Variants in SF1 observed in about 807,000 individuals in gnomAD.
The protein encoded by SF1 is branch point-binding protein.
Under a neutral mutation model 62.5 loss-of-function variants are expected in SF1, and 7 were observed. That is an observed-to-expected ratio of 0.11 (90% confidence interval 0.06 to 0.21). The LOEUF is 0.21. SF1 is among the 10% of genes least tolerant of loss of function. The pLI is 1.00. For synonymous variants in SF1, 394 were observed against 323.6 expected, an observed-to-expected ratio of 1.22 and a Z score of -2.33; for missense variants, 578 against 884.0, an observed-to-expected ratio of 0.65 and a Z score of 4.39.
chr11:64,765,634 A>G lies in SF1; in HGVS notation c.*184T>C. The G allele has an allele frequency of 6.7e-7, 1 of 1,493,010 alleles. No homozygotes were observed. Among genetic ancestry groups the G allele is most frequent in the South Asian group, 1.4e-5 (1 of 72,164 alleles). 92.5% of individuals were successfully genotyped at this position (1,493,010 alleles called of 1,614,324 possible). On this transcript the variant is annotated 3_prime_UTR_variant, in exon 13 of 13. Transcript: ENST00000377390. ...AGCCCAAGCTGGCGCCCCTACTACC[A>G]CCTGCCCGTTCCCAAGCGAATCCTC...
intron 1 of SF1, among the ~76,000 whole-genome samples, chr11:64,777,216 T>TA (rs1405213969): frequency 6.6e-6 from 1 of 152,140 alleles, no homozygotes; most frequent in Non-Finnish European, 1.5e-5. Context: ...TCTGAACTCT[T>TA]AAAAGGATCT....
intron 2 of SF1, 48 bp downstream of exon 2, chr11:64,776,450 A>G: frequency 6.4e-7 from 1 of 1,559,546 alleles, no homozygotes; most frequent in South Asian, 1.2e-5. Context: ...TGCTCAGAAT[A>G]AATCGTAACA....
chr11:64,775,326 G>A (rs574404197), intron 2 of SF1, among the ~76,000 whole-genome samples: 1 of 152,286 alleles, frequency 6.6e-6, no homozygotes, highest in South Asian at 2.1e-4. Context: ...AAGAATTTGT[G>A]CTCTTCCCAT....
intron 3 of SF1, 198 bp downstream of exon 3, chr11:64,773,232 C>T (rs903432755): frequency 5.1e-6 from 7 of 1,385,800 alleles, no homozygotes; most frequent in Non-Finnish European, 5.6e-6. Flanking sequence ...ATTCTCCCAA[C>T]ATTTTTAAGT....
chr11:64,767,965 C>A, intron 9 of SF1, 121 bp from the exon 10 acceptor site: 1 of 1,465,178 alleles, frequency 6.8e-7, no homozygotes, highest in Non-Finnish European at 9.2e-7. Context: ...GAGAAGTCCC[C>A]AAACTGGCCT....
intron 1 of SF1, among the ~76,000 whole-genome samples, chr11:64,776,974 C>T (rs891033224): frequency 2.0e-5 from 3 of 152,094 alleles, no homozygotes; most frequent in African/African-American, 7.2e-5. Flanking sequence ...CCAGGGGAGA[C>T]AAAAATACAC....
rs1939801652 is a variant in SF1, at chr11:64,778,539, G to T, written c.-147C>A. 2 of 1,200,364 alleles carry T rather than the reference G, an allele frequency of 1.7e-6. No individual in the cohort carries two copies. The highest frequency in any genetic ancestry group is 8.9e-5 in the Admixed American group (2 of 22,580). 74.4% of individuals were successfully genotyped at this position (1,200,364 alleles called of 1,614,324 possible). A position where few individuals can be genotyped will look rare whatever the true frequency, so the allele number is the denominator to read the frequency against. ...GCGGCGGGCGGCGGCGGCGCGAGAC[G>T]CACAAAGAGGGAGGAGAGAGGGCAC... On this transcript the variant is annotated 5_prime_UTR_variant, in exon 1 of 13. Coordinates refer to ENST00000377390, the MANE Select transcript of SF1 (RefSeq NM_004630.4).
chr11:64,767,458 C>T, intron 10 of SF1, 113 bp downstream of exon 10: 3 of 1,206,506 alleles, frequency 2.5e-6, no homozygotes, highest in Non-Finnish European at 3.5e-6. Context: ...GCAAGCCAGG[C>T]AGACCCAGCA....
At position 64,765,893 on chromosome 11, in the gene SF1, C is replaced by G. The variant is rs1247427299; in HGVS notation, c.1845G>C (p.Met615Ile). 1 of 1,564,514 alleles carries G rather than the reference C, an allele frequency of 6.4e-7. No homozygotes were observed. The highest frequency in any genetic ancestry group is 1.2e-5 in the South Asian group (1 of 85,400). The change falls in exon 13 of 13, where the codon ATG becomes ATC. Residue 615 changes from methionine (M) to isoleucine (I), a missense_variant. Coordinates refer to ENST00000377390, the MANE Select transcript of SF1 (RefSeq NM_004630.4). ...GCATGCCCGCCACCCCCATGCCCAT[C>G]ATGGTGACAAAGTTAGAAGGGTCCA... is the stretch of plus-strand genomic sequence containing the variant. Reference protein sequence around the residue: ...PPMDPSNFVTMMGMGVAGMPP... With the variant: ...PPMDPSNFVTIMGMGVAGMPP...
At chr11:64,767,528 T>G (rs2058766386) in intron 10 of SF1, 43 bp downstream of exon 10, 1 of 1,516,916 alleles carries the variant, frequency 6.6e-7, no homozygotes, top group South Asian at 1.3e-5. Context: ...AACCCCTTGC[T>G]TATCCCAAAG....
chr11:64,769,615 G>A lies in SF1; in HGVS notation c.480-6C>T, dbSNP rs1276355962. 4 of 1,611,914 alleles carry A rather than the reference G, an allele frequency of 2.5e-6. No individual in the cohort carries two copies. In the South Asian group the frequency reaches 4.4e-5, roughly 18 times the overall value. On this transcript the variant is annotated splice_polypyrimidine_tract_variant and splice_region_variant and intron_variant, in intron 5 of 12. Transcript: ENST00000377390. ...TGTTCTTCAGGGTGTTCCCTCTAGA[G>A]AGGCAGAAATGACTAAGTTTATACC...
chr11:64,778,219 G>A lies in SF1; in HGVS notation c.31+143C>T, dbSNP rs555555501. 1.3e-5 allele frequency: 15 copies of A among 1,154,684 alleles called. No individual in the cohort carries two copies. The South Asian group carries it at 4.7e-4, about 36-fold the overall frequency. 71.5% of individuals were successfully genotyped at this position (1,154,684 alleles called of 1,614,324 possible). A position where few individuals can be genotyped will look rare whatever the true frequency, so the allele number is the denominator to read the frequency against. On this transcript the variant is annotated intron_variant, in intron 1 of 12. Coordinates refer to ENST00000377390, the MANE Select transcript of SF1 (RefSeq NM_004630.4). ...CCGCGAAGGGGAAGGCCGCGGTCAG[G>A]GCCCCCATCGAGCCCACGGGCGGGG... is the stretch of plus-strand genomic sequence containing the variant.
chr11:64,773,423 T>G lies in SF1; in HGVS notation c.236+7A>C. 2.5e-6 allele frequency: 4 copies of G among 1,612,858 alleles called. No homozygotes were observed. Among genetic ancestry groups the G allele is most frequent in the Non-Finnish European group, 3.4e-6 (4 of 1,179,716 alleles). On this transcript the variant is annotated splice_region_variant and intron_variant, in intron 3 of 12. Transcript: ENST00000377390. ...TTACTGTCAGCTGGTTAAAACTGTT[T>G]CCCAACCTGTCCTCAGGGTTAGGGG... is the stretch of plus-strand genomic sequence containing the variant.
chr11:64,774,376 G>A (rs1000026483), intron 2 of SF1, among the ~76,000 whole-genome samples: 6 of 152,314 alleles, frequency 3.9e-5, no homozygotes, highest in Admixed American at 2.6e-4. Flanking sequence ...AGTGACGCCA[G>A]GGAAATGTTA....
In SF1 at chr11:64,766,049, G is replaced by A. The variant is rs2058638829; in HGVS notation, c.1689C>T (p.Asn563=). 32 of 1,611,474 alleles carry A rather than the reference G, an allele frequency of 2.0e-5. No individual in the cohort carries two copies. The highest frequency in any genetic ancestry group is 2.5e-5 in the Non-Finnish European group (29 of 1,179,426). The part of the protein sequence containing the change: ...ASPGAPQMQG[N]PTMVPLPPGV... ...CGGGGGGCAGGGGCACCATAGTGGG[G>A]TTGCCTTGCATCTGAGGGGCTCCTG... The change falls in exon 13 of 13, where the codon AAC becomes AAT. Residue 563 remains asparagine, a synonymous_variant. Transcript: ENST00000377390.
intron 1 of SF1, chr11:64,777,838 G>A (rs1939590726): frequency 1.1e-6 from 1 of 948,112 alleles, no homozygotes; most frequent in Non-Finnish European, 1.2e-6. Context: ...GAACCAGGCC[G>A]CGCGCGCCCA....
chr11:64,766,687 G>A (rs557743033), intron 12 of SF1: 46 of 454,534 alleles, frequency 1.0e-4, no homozygotes, highest in African/African-American at 2.6e-4. Flanking sequence ...AGGCCCCCAC[G>A]AACCTCTCCC....
chr11:64,771,710 T>C (rs1221900457), intron 3 of SF1: 16 of 985,312 alleles, frequency 1.6e-5, no homozygotes, highest in Non-Finnish European at 1.9e-5. Context: ...TAGACTACCA[T>C]CTTATACATT....
intron 3 of SF1, chr11:64,772,523 C>T: frequency 1.0e-6 from 1 of 985,072 alleles, no homozygotes; most frequent in Non-Finnish European, 1.2e-6. Context: ...CATCATCTTC[C>T]TGATTTAATA....
Sources: gnomAD v4.1 joint callset for allele counts (sites outside exome capture counted in the v4.1 genomes callset) on GRCh38, gnomAD v4.1.1 for gene constraint, MANE v1.5 for transcripts, NCBI Gene and HGNC (gene_info 2026-07-23, HGNC 2026-07-21) for gene names.